The following ABHD18 variants were observed in gnomAD, a reference collection of about 807,000 sequenced individuals.
The protein encoded by ABHD18 is abhydrolase domain containing 18.
ABHD18 carries 55 observed loss-of-function variants against 65.9 expected under a neutral mutation model. That is an observed-to-expected ratio of 0.84 (90% CI 0.67 to 1.05). ABHD18 has a LOEUF of 1.05. Among genes scored for constraint, ABHD18 ranks in the 50% least tolerant of loss-of-function variants. ABHD18 has a pLI of 0.00. For missense variants in ABHD18, 533 were observed against 558.5 expected, an observed-to-expected ratio of 0.95 and a Z score of 0.46; for synonymous variants, 181 against 180.2, an observed-to-expected ratio of 1.00 and a Z score of -0.04.
chr4:128,011,615 TCAGA>T (rs1754593783), intron 6 of ABHD18, 54 bp from the exon 7 acceptor site: 1 of 1,379,322 alleles, frequency 7.2e-7, no homozygotes, highest in Admixed American at 2.1e-5. Flanking sequence ...TAATGTACTC[TCAGA>T]CAAACAAAAT....
chr4:128,007,001 C>T lies in ABHD18; in HGVS notation c.279-1919C>T, dbSNP rs181191796. Among the ~76,000 whole-genome samples, 6 of 152,182 alleles carry T rather than the reference C, an allele frequency of 3.9e-5. No homozygotes were observed. The East Asian group carries it at 5.8e-4, about 15-fold the overall frequency. ...TCTCTACTTAAAATACAAAATTAGC[C>T]GGGCATGGTGGCACATGCCTGTAAT... On this transcript the variant is annotated intron_variant, in intron 4 of 12. Coordinates refer to ENST00000645843, the MANE Select transcript of ABHD18 (RefSeq NM_001358451.3).
rs1395300148 is a variant in ABHD18, at chr4:127,968,322, A to G, written c.-18+2716A>G. 3.3e-5 allele frequency among the ~76,000 whole-genome samples: 5 copies of G among 152,380 alleles called. No homozygotes were observed. In the South Asian group the frequency reaches 6.2e-4, roughly 19 times the overall value. On this transcript the variant is annotated intron_variant, in intron 1 of 12. Transcript: ENST00000645843. ...CTAGGGAAGTAGATTTTAACAGTGG[A>G]TATCTGAGGTATCTAAACCCTTTCT...
chr4:127,984,307 T>C, intron 2 of ABHD18, 32 bp from the exon 3 acceptor site: 2 of 1,382,214 alleles, frequency 1.4e-6, no homozygotes, highest in Non-Finnish European at 2.0e-6. Context: ...AAAAGATTAA[T>C]TTTTTCCTTT....
rs1259563637 is a variant in ABHD18 at position 127,971,313 on chromosome 4, A to C, written c.-18+5707A>C. ...CATTCCAATGACATGCCACTGTTCT[A>C]TTGCACTTTAATAAATGTATGCAAA... On this transcript the variant is annotated intron_variant, in intron 1 of 12. Transcript: ENST00000645843. 3.3e-5 allele frequency among the ~76,000 whole-genome samples: 5 copies of C among 151,418 alleles called. No homozygotes were observed. In the East Asian group the frequency reaches 9.7e-4, roughly 29 times the overall value.
chr4:128,000,675 T>C (rs113625685), intron 4 of ABHD18, among the ~76,000 whole-genome samples: 4 of 152,276 alleles, frequency 2.6e-5, no homozygotes, highest in South Asian at 2.1e-4. Context: ...TCAAAAATGG[T>C]TTTGGTAGTT....
At chr4:128,032,945 C>G (rs1758412825) in intron 12 of ABHD18, among the ~76,000 whole-genome samples, 1 of 152,098 alleles carries the variant, frequency 6.6e-6, no homozygotes, top group Non-Finnish European at 1.5e-5. Flanking sequence ...GGAACTAACT[C>G]TGAGGAAAAA....
At chr4:127,987,015 T>A (rs376051590) in intron 3 of ABHD18, among the ~76,000 whole-genome samples, 19 of 152,360 alleles carry the variant, frequency 1.2e-4, no homozygotes, top group Middle Eastern at 3.4e-3. Flanking sequence ...ATTTGTTGCA[T>A]TATTTTTCCC....
chr4:127,984,290 G>A (rs777951791), intron 2 of ABHD18, 49 bp from the exon 3 acceptor site: 38 of 1,074,962 alleles, frequency 3.5e-5, no homozygotes, highest in Non-Finnish European at 5.3e-5. Flanking sequence ...TGCTTAGTAG[G>A]TGATATAAAA....
intron 3 of ABHD18, among the ~76,000 whole-genome samples, chr4:127,989,331 A>C (rs1396304242): frequency 6.7e-6 from 1 of 150,222 alleles, no homozygotes; most frequent in Non-Finnish European, 1.5e-5. Flanking sequence ...ATGTACAGTC[A>C]GATAGAATCA....
At chr4:128,033,304 T>A (rs1336423969) in intron 12 of ABHD18, among the ~76,000 whole-genome samples, 1 of 152,080 alleles carries the variant, frequency 6.6e-6, no homozygotes, top group East Asian at 1.9e-4. Context: ...CTTTACTTCT[T>A]CCCTATTGCT....
At chr4:128,010,328 G>T (rs1223877996) in intron 6 of ABHD18, among the ~76,000 whole-genome samples, 3 of 152,056 alleles carry the variant, frequency 2.0e-5, no homozygotes, top group African/African-American at 7.2e-5. Context: ...TCAGGAGTTC[G>T]AGACCAGCCT....
rs147399779 is a variant in ABHD18 at position 128,034,307 on chromosome 4, A to G, written c.1344-1455A>G. 8.1e-4 allele frequency among the ~76,000 whole-genome samples: 124 copies of G among 152,290 alleles called. No homozygotes were observed. The Middle Eastern group carries it at 0.01, about 13-fold the overall frequency. On this transcript the variant is annotated intron_variant, in intron 12 of 12. Coordinates refer to ENST00000645843, the MANE Select transcript of ABHD18 (RefSeq NM_001358451.3). ...GGAGGAAAGATATGAAAAGGTTAAC[A>G]GTAGATGTGAGTGATGGGATTATGA...
intron 12 of ABHD18, among the ~76,000 whole-genome samples, chr4:128,033,375 C>A (rs1451392380): frequency 6.6e-6 from 1 of 152,126 alleles, no homozygotes; most frequent in African/African-American, 2.4e-5. Flanking sequence ...CAAATATCCA[C>A]CTCTAATTTT....
At chr4:127,999,119 A>C (rs1472180443) in intron 4 of ABHD18, among the ~76,000 whole-genome samples, 1 of 152,018 alleles carries the variant, frequency 6.6e-6, no homozygotes, top group Non-Finnish European at 1.5e-5. Flanking sequence ...CCACATTTCT[A>C]CTAAAAATAC....
chr4:128,030,854 T>C, intron 12 of ABHD18, 182 bp downstream of exon 12: 2 of 1,358,404 alleles, frequency 1.5e-6, no homozygotes, highest in Non-Finnish European at 9.4e-7. Flanking sequence ...GATCTTCTTA[T>C]TTTCTTCTAG....
intron 1 of ABHD18, among the ~76,000 whole-genome samples, chr4:127,968,158 C>T (rs992016412): frequency 6.6e-6 from 1 of 152,146 alleles, no homozygotes; most frequent in African/African-American, 2.4e-5. Context: ...TGTAGTGAGC[C>T]GAGATTGCGC....
At position 128,039,542 on chromosome 4, in the gene ABHD18, A is replaced by G. The variant is rs1245937624; in HGVS notation, c.*3729A>G. On this transcript the variant is annotated 3_prime_UTR_variant, in exon 13 of 13. Transcript: ENST00000645843. ...AATTTCATGATTTGCTAATGTAATT[A>G]CTATTAAGTCATTTTAGCATGTGCA... is the stretch of plus-strand genomic sequence containing the variant. The G allele has an allele frequency of 1.3e-5, 2 of 152,176 alleles. No homozygotes were observed. Among genetic ancestry groups the G allele is most frequent in the Non-Finnish European group, 2.9e-5 (2 of 68,032 alleles). The allele number at this position is 152,176 out of a possible 1,614,324, so 9.4% of individuals were successfully genotyped here.
chr4:128,023,222 C>G (rs182623240), intron 10 of ABHD18, among the ~76,000 whole-genome samples: 361 of 151,960 alleles, frequency 2.4e-3, no homozygotes, highest in African/African-American at 8.2e-3. Flanking sequence ...GTCTATCTCA[C>G]GTAACTTCAA....
At chr4:127,969,827 G>T (rs1445944199) in intron 1 of ABHD18, among the ~76,000 whole-genome samples, 1 of 149,842 alleles carries the variant, frequency 6.7e-6, no homozygotes, top group Admixed American at 6.7e-5. Flanking sequence ...GTGCACTGTT[G>T]CCTCAACTTC....
Sources: allele counts gnomAD v4.1 joint callset (sites outside exome capture counted in the v4.1 genomes callset), GRCh38; gene constraint gnomAD v4.1.1; transcripts MANE v1.5; gene names NCBI Gene and HGNC (gene_info 2026-07-23, HGNC 2026-07-21).